TSNARE1: variants seen among roughly 807,000 people sequenced by gnomAD.
The protein encoded by TSNARE1 is t-SNARE domain-containing protein 1.
TSNARE1 carries 49 observed loss-of-function variants against 62.0 expected under a neutral mutation model. The observed-to-expected ratio is 0.79, with a 90% CI of 0.63 to 1.00. The LOEUF is 1.00. Among genes scored for constraint, TSNARE1 ranks in the 50% least tolerant of loss-of-function variants. TSNARE1 has a pLI of 0.00. For missense variants in TSNARE1, 755 were observed against 700.1 expected (o/e 1.08, Z -0.88); for synonymous variants, 328 against 294.4 (o/e 1.11, Z -1.17).
At chr8:142,280,144 C>G (rs1205406261) in intron 11 of TSNARE1, 1 of 1,071,772 alleles carries the variant, frequency 9.3e-7, no homozygotes, top group African/African-American at 1.7e-5. Context: ...GTAGTGGCGC[C>G]GCACCCTCTG....
chr8:142,379,044 G>C (rs547757268), intron 1 of TSNARE1, among the ~76,000 whole-genome samples: 2 of 152,332 alleles, frequency 1.3e-5, no homozygotes, highest in East Asian at 3.9e-4. Context: ...GGGAGGACTA[G>C]GCTAGCAGCA....
chr8:142,231,436 A>G (rs2130090860), intron 12 of TSNARE1, among the ~76,000 whole-genome samples: 1 of 152,106 alleles, frequency 6.6e-6, no homozygotes, highest in Middle Eastern at 3.4e-3. Context: ...CCAGAAGGGG[A>G]CAGAAGGCCA....
At chr8:142,234,809 T>A (rs981723204) in intron 12 of TSNARE1, among the ~76,000 whole-genome samples, 3 of 152,038 alleles carry the variant, frequency 2.0e-5, no homozygotes, top group African/African-American at 7.2e-5. Flanking sequence ...TAGAGAGGGC[T>A]ACACATCTGG....
rs543249159 is a variant in TSNARE1 at position 142,342,708 on chromosome 8, G to C, written c.745+1258C>G. Among the ~76,000 whole-genome samples, 109 of 151,568 alleles carry C rather than the reference G, an allele frequency of 7.2e-4. 1 individual carries two copies. Among genetic ancestry groups the C allele is most frequent in the African/African-American group, 2.3e-3 (95 of 41,316 alleles). ...GCACCTGTCCAGGCCACCACAGCAA[G>C]AGCTCAGACGCCATGCCTACGCCCT... On this transcript the variant is annotated intron_variant, in intron 4 of 13. Coordinates refer to ENST00000524325, the MANE Select transcript of TSNARE1 (RefSeq NM_145003.5).
At chr8:142,237,288 A>T (rs73364606) in intron 12 of TSNARE1, among the ~76,000 whole-genome samples, 3,400 of 152,260 alleles carry the variant, frequency 0.022, 116 homozygotes, top group African/African-American at 0.071. Context: ...TCCGCCCACC[A>T]GTGTGTGGCT....
intron 12 of TSNARE1, among the ~76,000 whole-genome samples, chr8:142,261,814 G>A (rs1247883467): frequency 1.3e-5 from 2 of 152,214 alleles, no homozygotes; most frequent in Non-Finnish European, 2.9e-5. Context: ...CCTCCAACAT[G>A]CTACGAGTCT....
At chr8:142,256,175 C>A (rs866814718) in intron 12 of TSNARE1, among the ~76,000 whole-genome samples, 1 of 95,142 alleles carries the variant, frequency 1.1e-5, no homozygotes, top group African/African-American at 4.1e-5. Context: ...ACCACCATCA[C>A]CATCACCACC....
At chr8:142,256,997 G>A (rs1387065141) in intron 12 of TSNARE1, among the ~76,000 whole-genome samples, 1 of 152,162 alleles carries the variant, frequency 6.6e-6, no homozygotes, top group Non-Finnish European at 1.5e-5. Context: ...GCATACAGTT[G>A]CTAAAAGGAG....
At chr8:142,304,439 C>A (rs1826322190) in intron 9 of TSNARE1, among the ~76,000 whole-genome samples, 1 of 152,236 alleles carries the variant, frequency 6.6e-6, no homozygotes, top group Admixed American at 6.5e-5. Flanking sequence ...GGAGCAGCGG[C>A]ACTCACAGCC....
chr8:142,274,952 C>T, intron 11 of TSNARE1, 89 bp from the exon 12 acceptor site: 1 of 1,402,716 alleles, frequency 7.1e-7, no homozygotes, highest in Non-Finnish European at 9.3e-7. Context: ...GCCCAGGGAG[C>T]CTGAGCCCAG....
intron 12 of TSNARE1, chr8:142,271,660 C>T: frequency 7.2e-7 from 1 of 1,396,876 alleles, no homozygotes; most frequent in Non-Finnish European, 9.3e-7. Context: ...GGGGCAGCCA[C>T]AAGCAGCTGG....
chr8:142,354,481 G>A (rs1396780895), intron 2 of TSNARE1, among the ~76,000 whole-genome samples, 156 bp downstream of exon 2: 1 of 152,082 alleles, frequency 6.6e-6, no homozygotes, highest in Non-Finnish European at 1.5e-5. Flanking sequence ...GGCCTGAATG[G>A]GCTGAGCTCA....
At chr8:142,363,497 C>A (rs914691169) in intron 1 of TSNARE1, among the ~76,000 whole-genome samples, 1 of 152,172 alleles carries the variant, frequency 6.6e-6, no homozygotes, top group Admixed American at 6.5e-5. Context: ...CTAGGCCACC[C>A]GGGGCTTCTC....
At chr8:142,328,226 CCCTAT>C (rs1830532538) in intron 6 of TSNARE1, among the ~76,000 whole-genome samples, 1 of 151,960 alleles carries the variant, frequency 6.6e-6, no homozygotes, top group East Asian at 1.9e-4. Context: ...CTTTGTTAAG[CCCTAT>C]CCTATGTAGC....
chr8:142,281,220 G>A (rs1427886787), intron 11 of TSNARE1, among the ~76,000 whole-genome samples: 1 of 151,902 alleles, frequency 6.6e-6, no homozygotes, highest in Non-Finnish European at 1.5e-5. Flanking sequence ...TTAACCAAAG[G>A]CCCGTGGGCA....
chr8:142,358,727 C>T (rs1398686706), intron 1 of TSNARE1, among the ~76,000 whole-genome samples: 2 of 151,500 alleles, frequency 1.3e-5, no homozygotes, highest in East Asian at 1.9e-4. Flanking sequence ...TTCACGGCCC[C>T]GCCCAGCAAG....
chr8:142,256,177 A>G (rs1818525261), intron 12 of TSNARE1, among the ~76,000 whole-genome samples: 1 of 138,616 alleles, frequency 7.2e-6, no homozygotes. Context: ...CACCATCACC[A>G]TCACCACCAC....
chr8:142,282,848 A>G (rs985328179), intron 11 of TSNARE1, among the ~76,000 whole-genome samples: 5 of 136,392 alleles, frequency 3.7e-5, no homozygotes, highest in Non-Finnish European at 6.2e-5. Flanking sequence ...AGGTGGGGCC[A>G]GTGTCTATCA....
At chr8:142,256,720 A>G (rs1404640965) in intron 12 of TSNARE1, among the ~76,000 whole-genome samples, 1 of 152,104 alleles carries the variant, frequency 6.6e-6, no homozygotes, top group African/African-American at 2.4e-5. Flanking sequence ...CGCAATGAGG[A>G]GCAGAGATTA....
Sources: allele counts gnomAD v4.1 joint callset (sites outside exome capture counted in the v4.1 genomes callset), GRCh38; gene constraint gnomAD v4.1.1; transcripts MANE v1.5; gene names NCBI Gene and HGNC (gene_info 2026-07-23, HGNC 2026-07-21).